Variants in NELFCD observed in about 807,000 individuals in gnomAD.
NELFCD encodes negative elongation factor C/D.
In NELFCD, 48 loss-of-function variants were observed where a neutral mutation model predicts 72.9. The observed-to-expected ratio is 0.66, with a 90% CI of 0.52 to 0.84. The LOEUF is 0.84. NELFCD is among the 40% of genes least tolerant of loss of function. NELFCD has a pLI of 0.00. For synonymous variants in NELFCD, 297 were observed against 280.6 expected, an observed-to-expected ratio of 1.06 and a Z score of -0.59; for missense variants, 538 against 723.8, an observed-to-expected ratio of 0.74 and a Z score of 2.94.
At chr20:58,985,843 G>A (rs898357809) in intron 1 of NELFCD, among the ~76,000 whole-genome samples, 2 of 152,110 alleles carry the variant, frequency 1.3e-5, no homozygotes, top group African/African-American at 4.8e-5. Flanking sequence ...AGAGAGGTTG[G>A]GTAACTTGTG....
chr20:58,993,193 C>A lies in NELFCD; in HGVS notation c.1344+81C>A. The A allele has an allele frequency of 1.8e-6, 2 of 1,091,056 alleles. No homozygotes were observed. The highest frequency in any genetic ancestry group is 1.3e-5 in the South Asian group (1 of 79,116). 67.6% of individuals were successfully genotyped at this position (1,091,056 alleles called of 1,614,324 possible). A position where few individuals can be genotyped will look rare whatever the true frequency, so the allele number is the denominator to read the frequency against. On this transcript the variant is annotated intron_variant, in intron 11 of 14. Coordinates refer to ENST00000652272, the MANE Select transcript of NELFCD (RefSeq NM_198976.4). The surrounding 1 kb of genome is among the most constrained non-coding windows in gnomAD (Gnocchi z 5.0). ...CGTTGGCATTAACATTGCATCTATT[C>A]AGTGAGTTTAGAGGATACTCTTCTC...
Position 58,986,920 on chromosome 20 carries a change from C to G in NELFCD, c.286+57C>G. ...TTACCCCCACTTTTTTAAAAATAGA[C>G]TTTTGGGTCCTTATAACACTGATAC... is the stretch of plus-strand genomic sequence containing the variant. On this transcript the variant is annotated intron_variant, in intron 3 of 14. Coordinates refer to ENST00000652272, the MANE Select transcript of NELFCD (RefSeq NM_198976.4). This position sits in a 1 kb window ranked among gnomAD's most constrained non-coding sequence, Gnocchi z 4.4. 9.3e-7 allele frequency: 1 copy of G among 1,075,880 alleles called. No individual in the cohort carries two copies. The highest frequency in any genetic ancestry group is 1.4e-6 in the Non-Finnish European group (1 of 708,780). The allele number at this position is 1,075,880 out of a possible 1,614,324, so 66.6% of individuals were successfully genotyped here. A position where few individuals can be genotyped will look rare whatever the true frequency, so the allele number is the denominator to read the frequency against.
intron 6 of NELFCD, 66 bp from the exon 7 acceptor site, chr20:58,989,792 G>C: frequency 6.2e-7 from 1 of 1,611,560 alleles, no homozygotes; most frequent in Non-Finnish European, 8.5e-7. Flanking sequence ...GTGGAGGCTT[G>C]GCTCTCGTCC....
At chr20:58,989,731 C>G (rs1197929981) in intron 6 of NELFCD, 91 bp downstream of exon 6, 2 of 1,607,826 alleles carry the variant, frequency 1.2e-6, no homozygotes, top group Non-Finnish European at 1.7e-6. Context: ...TGGAGAGAAT[C>G]TCCATTTCTG....
chr20:58,990,839 A>G (rs1429952972), intron 7 of NELFCD, 71 bp from the exon 8 acceptor site: 80 of 1,324,704 alleles, frequency 6.0e-5, no homozygotes, highest in Non-Finnish European at 7.6e-5. Context: ...GCAAAGTATT[A>G]TATGTGTAAA....
At chr20:58,990,837 T>A (rs1358835760) in intron 7 of NELFCD, 73 bp from the exon 8 acceptor site, 1 of 1,317,172 alleles carries the variant, frequency 7.6e-7, no homozygotes, top group Non-Finnish European at 1.1e-6. Flanking sequence ...ATGCAAAGTA[T>A]TATATGTGTA....
intron 1 of NELFCD, 103 bp from the exon 2 acceptor site, chr20:58,985,990 G>A (rs772293901): frequency 1.9e-5 from 15 of 796,964 alleles, no homozygotes; most frequent in Non-Finnish European, 3.1e-5. Context: ...GAAATAATGT[G>A]TGTAGAATAC....
At position 58,993,589 on chromosome 20, in the gene NELFCD, T is replaced by G; in HGVS notation, c.1441-35T>G. The G allele has an allele frequency of 6.2e-7, 1 of 1,614,148 alleles. No individual in the cohort carries two copies. The highest frequency in any genetic ancestry group is 8.5e-7 in the Non-Finnish European group (1 of 1,180,000). On this transcript the variant is annotated intron_variant, in intron 12 of 14. Coordinates refer to ENST00000652272, the MANE Select transcript of NELFCD (RefSeq NM_198976.4). The surrounding 1 kb of genome is among the most constrained non-coding windows in gnomAD (Gnocchi z 5.0). ...CTTGCCAGAGGGCTGAGGAGGACCC[T>G]CTCTAACCAGCTCCCTGTCCCCCTT...
intron 7 of NELFCD, chr20:58,990,686 G>T: frequency 4.3e-6 from 2 of 470,422 alleles, no homozygotes; most frequent in South Asian, 8.0e-5. Flanking sequence ...TACCAATAGA[G>T]TGTTCCTAAG....
rs1197797898 is a variant in NELFCD at position 58,986,844 on chromosome 20, C to T, written c.267C>T (p.Ala89=). 2.9e-5 allele frequency: 46 copies of T among 1,613,628 alleles called. No homozygotes were observed. The highest frequency in any genetic ancestry group is 3.6e-5 in the Non-Finnish European group (43 of 1,179,686). The part of the protein sequence containing the change: ...TAVAQTVNLL[A]EWLIQTGVEP... ...TGGCCCAGACTGTGAACCTGCTGGC[C>T]GAGTGGCTCATTCAGACAGGTGCTT... Residue 89 remains alanine (A), a synonymous_variant, in exon 3 of 15, where the codon GCC becomes GCT. Coordinates refer to ENST00000652272, the MANE Select transcript of NELFCD (RefSeq NM_198976.4). The surrounding 1 kb of genome is among the most constrained non-coding windows in gnomAD (Gnocchi z 4.4).
In NELFCD at chr20:58,994,721, T is replaced by C. The variant is rs372607429; in HGVS notation, c.*45T>C. On this transcript the variant is annotated 3_prime_UTR_variant, in exon 15 of 15. Transcript: ENST00000652272. ...CTGAAGCAGAACATTCCAGAACCCG[T>C]TGTGGAAAAACCCTTTCAAGAAGCT... 4.1e-5 allele frequency: 63 copies of C among 1,549,992 alleles called. No individual in the cohort carries two copies. In the Admixed American group the frequency reaches 4.5e-4, roughly 11 times the overall value.
Position 58,981,274 on chromosome 20 carries a change from CG to C in NELFCD, c.-33del. ...CTCGCGCATGCGCCGCGCTCGCTCG[CG>C]GGAGGGCATGGCGGGGGCCGTGCCG... On this transcript the variant is annotated 5_prime_UTR_variant, in exon 1 of 15. Coordinates refer to ENST00000652272, the MANE Select transcript of NELFCD (RefSeq NM_198976.4). The C allele has an allele frequency of 9.4e-7, 1 of 1,058,540 alleles. No homozygotes were observed. The highest frequency in any genetic ancestry group is 1.1e-6 in the Non-Finnish European group (1 of 876,252). 65.6% of individuals were successfully genotyped at this position (1,058,540 alleles called of 1,614,324 possible). A position where few individuals can be genotyped will look rare whatever the true frequency, so the allele number is the denominator to read the frequency against.
At position 58,990,954 on chromosome 20, in the gene NELFCD, C is replaced by T. The variant is rs1344673422; in HGVS notation, c.833C>T (p.Ala278Val). 6.2e-7 allele frequency: 1 copy of T among 1,614,110 alleles called. No homozygotes were observed. The highest frequency in any genetic ancestry group is 8.5e-7 in the Non-Finnish European group (1 of 1,180,046). Residue 278 changes from alanine to valine, a missense_variant, in exon 8 of 15, where the codon GCC becomes GTC. Ala to Val is a moderately conservative substitution (Grantham distance 64). Transcript: ENST00000652272. ...SQITLALGTA[A>V]SYPRACQALG... The stretch of plus-strand genomic sequence containing the variant: ...ATCACACTAGCCTTGGGCACAGCTG[C>T]CTCCTACCCCAGGGCCTGCCAGGCT...
At chr20:58,981,547 CCCGGGGTCCCGCGGCGCGGCCG>C (rs769971836) in intron 1 of NELFCD, among the ~76,000 whole-genome samples, 178 bp downstream of exon 1, 12,286 of 148,632 alleles carry the variant, frequency 0.083, 682 homozygotes, top group Non-Finnish European at 0.1. Flanking sequence ...CCCCCGCCCG[CCCGGGGTCCCGCGGCGCGGCCG>C]CCGGGGTCCC....
At chr20:58,987,586 T>C in intron 3 of NELFCD, 122 bp from the exon 4 acceptor site, 1 of 746,734 alleles carries the variant, frequency 1.3e-6, no homozygotes. Flanking sequence ...CTTACATGTA[T>C]AAGTGGTCAG....
chr20:58,990,736 G>A, intron 7 of NELFCD, 174 bp from the exon 8 acceptor site: 2 of 573,448 alleles, frequency 3.5e-6, no homozygotes, highest in Non-Finnish European at 6.1e-6. Context: ...GAGCCAGCAA[G>A]CTGTATTGGA....
chr20:58,981,769 A>G (rs888414518), intron 1 of NELFCD, among the ~76,000 whole-genome samples: 3 of 152,220 alleles, frequency 2.0e-5, no homozygotes, highest in Admixed American at 6.5e-5. Context: ...TTAAACAAAA[A>G]TAAAGTGGAA....
chr20:58,993,817 C>A lies in NELFCD; in HGVS notation c.1581+53C>A. On this transcript the variant is annotated intron_variant, in intron 13 of 14. Coordinates refer to ENST00000652272, the MANE Select transcript of NELFCD (RefSeq NM_198976.4). This position sits in a 1 kb window ranked among gnomAD's most constrained non-coding sequence, Gnocchi z 5.0. ...TTCATACTGTTTACACTAGCACTGC[C>A]CTTTTTGGCTTAATTTAGTTCATTT... 1 of 1,583,244 alleles carries A rather than the reference C, an allele frequency of 6.3e-7. No homozygotes were observed. The highest frequency in any genetic ancestry group is 1.1e-5 in the South Asian group (1 of 88,866).
rs2091730125 is a variant in NELFCD at position 58,981,349 on chromosome 20, G to A, written c.40G>A (p.Asp14Asn). ...CTACGGGAGCGCGGCCGAGTGGGGC[G>A]ACGAGGCTGACGGCGGCCAGGTGAG... ...DYYGSAAEWGDEADGGQQEDD... is the reference protein window; with the variant it reads ...DYYGSAAEWGNEADGGQQEDD... The change falls in exon 1 of 15, where the codon GAC becomes AAC. Residue 14 changes from aspartate (D) to asparagine (N), a missense_variant. Around this residue, in one of 3 missense-constraint regions of NELFCD, gnomAD observed 47 missense variants for 35.3 expected, o/e 1.33. Coordinates refer to ENST00000652272, the MANE Select transcript of NELFCD (RefSeq NM_198976.4). The A allele has an allele frequency of 9.0e-7, 1 of 1,111,438 alleles. No homozygotes were observed. The allele number at this position is 1,111,438 out of a possible 1,614,324, so 68.8% of individuals were successfully genotyped here.
Sources: gnomAD v4.1 joint callset for allele counts (sites outside exome capture counted in the v4.1 genomes callset) on GRCh38, gnomAD v4.1.1 for gene constraint, gnomAD v4.1.1 regional missense constraint, Gnocchi (gnomAD v3.1) non-coding constraint, MANE v1.5 for transcripts, NCBI Gene and HGNC (gene_info 2026-07-23, HGNC 2026-07-21) for gene names.